Variants in CELSR1 observed in about 807,000 individuals in gnomAD.
CELSR1 encodes cadherin EGF LAG seven-pass G-type receptor 1, also known as adhesion G protein-coupled receptor C1.
In CELSR1, 110 loss-of-function variants were observed where a neutral mutation model predicts 249.1. That is an observed-to-expected ratio of 0.44 (90% confidence interval 0.38 to 0.52). The LOEUF (loss-of-function observed/expected upper bound fraction) is 0.52. CELSR1 is among the 20% of genes least tolerant of loss of function. The pLI is 0.00. For missense variants in CELSR1, 4,109 were observed against 4,296.4 expected (o/e 0.96, Z 1.22); for synonymous variants, 2,113 against 1,900.0 (o/e 1.11, Z -2.92).
rs1353373401 is a variant in CELSR1, at chr22:46,441,159, A to G, written c.4184-1748T>C. ...CAGAGCGAGACTTCATTTCAAAAAA[A>G]AAAAAAAAAGAGAGACTGCTATAAA... On this transcript the variant is annotated intron_variant, in intron 2 of 34. Coordinates refer to ENST00000674500, the MANE Select transcript of CELSR1 (RefSeq NM_001378328.1). This position sits in a 1 kb window ranked among gnomAD's most constrained non-coding sequence, Gnocchi z 6.1. Among the ~76,000 whole-genome samples the G allele has an allele frequency of 6.6e-6, 1 of 151,826 alleles. No homozygotes were observed. The highest frequency in any genetic ancestry group is 1.9e-4 in the East Asian group (1 of 5,188).
In CELSR1 at chr22:46,529,802, C is replaced by CA. The variant is rs879434750; in HGVS notation, c.3544+3824dup. Among the ~76,000 whole-genome samples, 354 of 127,092 alleles carry CA rather than the reference C, an allele frequency of 2.8e-3. 2 individuals carry two copies. Among genetic ancestry groups the CA allele is most frequent in the Middle Eastern group, 0.013 (3 of 236 alleles). 83.4% of individuals were successfully genotyped at this position (127,092 alleles called of 152,430 possible). On this transcript the variant is annotated intron_variant, in intron 1 of 34. Transcript: ENST00000674500. ...TGGGAGATACAGTGAGACTCCATCT[C>CA]AAAAAAAAAAAAAGAATAAGACCTA... is the stretch of plus-strand genomic sequence containing the variant.
intron 1 of CELSR1, among the ~76,000 whole-genome samples, chr22:46,485,507 G>A (rs1459144544): frequency 5.9e-5 from 9 of 152,212 alleles, no homozygotes; most frequent in Non-Finnish European, 1.3e-4. Flanking sequence ...ATGCGGGGCC[G>A]CCAGGCAGCT....
intron 1 of CELSR1, among the ~76,000 whole-genome samples, chr22:46,519,890 T>C (rs2080667631): frequency 6.6e-6 from 1 of 150,874 alleles, no homozygotes; most frequent in Admixed American, 6.6e-5. Flanking sequence ...TTTTTTTTTC[T>C]GAGACAGAGT....
intron 1 of CELSR1, among the ~76,000 whole-genome samples, chr22:46,516,704 G>A (rs569405464): frequency 1.3e-4 from 20 of 152,184 alleles, no homozygotes; most frequent in African/African-American, 4.6e-4. Context: ...TCCTCGACCA[G>A]CTCATGTTAT....
intron 1 of CELSR1, among the ~76,000 whole-genome samples, chr22:46,477,183 T>G (rs949218731): frequency 2.6e-5 from 4 of 152,156 alleles, no homozygotes; most frequent in Non-Finnish European, 5.9e-5. Flanking sequence ...ACCTTAAAGA[T>G]GCTGAGTATG....
At chr22:46,365,814 G>A (rs1414112923) in intron 30 of CELSR1, 125 bp from the exon 31 acceptor site, 6 of 257,906 alleles carry the variant, frequency 2.3e-5, no homozygotes, top group Non-Finnish European at 3.9e-5. Context: ...AGACAAAACA[G>A]CCTCCCGAGT....
chr22:46,519,436 G>C (rs899088804), intron 1 of CELSR1, among the ~76,000 whole-genome samples: 2 of 152,198 alleles, frequency 1.3e-5, no homozygotes, highest in Non-Finnish European at 2.9e-5. Context: ...GGGTGCTGAG[G>C]GCCAGCACTG....
intron 23 of CELSR1, 44 bp downstream of exon 23, chr22:46,378,547 G>GGGGGGGAGGT: frequency 6.5e-7 from 1 of 1,529,790 alleles, no homozygotes; most frequent in Non-Finnish European, 8.8e-7. Flanking sequence ...GGGCAGGTTT[G>GGGGGGGAGGT]GCGGTAGGCC....
intron 5 of CELSR1, among the ~76,000 whole-genome samples, chr22:46,419,686 C>T (rs2079442721): frequency 6.6e-6 from 1 of 152,202 alleles, no homozygotes; most frequent in Admixed American, 6.5e-5. Flanking sequence ...AAAAAGCTTA[C>T]CAAAAATGTG....
At chr22:46,521,839 A>G (rs1176050971) in intron 1 of CELSR1, among the ~76,000 whole-genome samples, 2 of 152,076 alleles carry the variant, frequency 1.3e-5, no homozygotes, top group Non-Finnish European at 2.9e-5. Flanking sequence ...AAAAATAAAG[A>G]CCTTGTTTTG....
In CELSR1 at chr22:46,526,100, C is replaced by A. The variant is rs555635160; in HGVS notation, c.3544+7527G>T. On this transcript the variant is annotated intron_variant, in intron 1 of 34. Transcript: ENST00000674500. The surrounding 1 kb of genome is among the most constrained non-coding windows in gnomAD (Gnocchi z 4.7). ...AGCTGGTGCTGAGGTGGGCGCCCTG[C>A]CCTGGTGAGTCCATGTCCCGTGGAC... Among the ~76,000 whole-genome samples, 2 of 152,350 alleles carry A rather than the reference C, an allele frequency of 1.3e-5. No homozygotes were observed. Among genetic ancestry groups the A allele is most frequent in the Non-Finnish European group, 2.9e-5 (2 of 68,034 alleles).
rs1424142629 is a variant in CELSR1 at position 46,446,403 on chromosome 22, T to C, written c.4184-6992A>G. On this transcript the variant is annotated intron_variant, in intron 2 of 34. Transcript: ENST00000674500. The surrounding 1 kb of genome is among the most constrained non-coding windows in gnomAD (Gnocchi z 5.5). ...GCTCTCATGGACTCAAAATCTCCCC[T>C]CTCCAGCAATCGCCCCACCAGCTCC... 2.0e-5 allele frequency among the ~76,000 whole-genome samples: 3 copies of C among 151,972 alleles called. No individual in the cohort carries two copies. The highest frequency in any genetic ancestry group is 7.3e-5 in the African/African-American group (3 of 41,330).
Position 46,408,587 on chromosome 22 carries a change from C to G in CELSR1, c.5226+409G>C, listed in dbSNP as rs8139431. ...TGACCTCAGGTGATCCGCCGGCCTC[C>G]GCCACCCAAAGTGTTGGGATTACAG... On this transcript the variant is annotated intron_variant, in intron 9 of 34. Transcript: ENST00000674500. The surrounding 1 kb of genome is among the most constrained non-coding windows in gnomAD (Gnocchi z 4.6). Among the ~76,000 whole-genome samples the G allele has an allele frequency of 6.6e-6, 1 of 152,174 alleles. No individual in the cohort carries two copies. Among genetic ancestry groups the G allele is most frequent in the Non-Finnish European group, 1.5e-5 (1 of 68,036 alleles).
chr22:46,372,404 C>T lies in CELSR1; in HGVS notation c.7759+479G>A, dbSNP rs188758961. ...CTCACCCCATCTACCCATCCACTCA[C>T]TCACCCCTCCACCCATCCATCCACT... On this transcript the variant is annotated intron_variant, in intron 25 of 34. Transcript: ENST00000674500. Among the ~76,000 whole-genome samples the T allele has an allele frequency of 2.1e-3, 256 of 124,184 alleles. 1 individual carries two copies. The highest frequency in any genetic ancestry group is 3.0e-3 in the Non-Finnish European group (162 of 54,814). 81.5% of individuals were successfully genotyped at this position (124,184 alleles called of 152,430 possible).
At position 46,393,979 on chromosome 22, in the gene CELSR1, A is replaced by T. The variant is rs1384806963; in HGVS notation, c.5964+163T>A. ...CACGGGGGAGCAGCAAGGAAACCAA[A>T]AACCACATCTGTACACAAATGTGAT... On this transcript the variant is annotated intron_variant, in intron 14 of 34. Transcript: ENST00000674500. The surrounding 1 kb of genome is among the most constrained non-coding windows in gnomAD (Gnocchi z 4.1). 6.6e-6 allele frequency among the ~76,000 whole-genome samples: 1 copy of T among 152,232 alleles called. No individual in the cohort carries two copies. The highest frequency in any genetic ancestry group is 1.5e-5 in the Non-Finnish European group (1 of 68,046).
At chr22:46,508,946 A>G (rs1330825133) in intron 1 of CELSR1, among the ~76,000 whole-genome samples, 3 of 152,112 alleles carry the variant, frequency 2.0e-5, no homozygotes, top group Non-Finnish European at 2.9e-5. Context: ...GAGCTCCCAG[A>G]AGGCTCCAGG....
chr22:46,422,387 C>T (rs1049457244), intron 5 of CELSR1, among the ~76,000 whole-genome samples: 2 of 151,842 alleles, frequency 1.3e-5, no homozygotes, highest in African/African-American at 4.8e-5. Context: ...GGATTACAGG[C>T]GTGAGCCACC....
chr22:46,370,748 C>T (rs1269274590), intron 25 of CELSR1, among the ~76,000 whole-genome samples: 1 of 152,208 alleles, frequency 6.6e-6, no homozygotes, highest in Non-Finnish European at 1.5e-5. Context: ...AGCCAGTTAA[C>T]CAGGACCACT....
intron 5 of CELSR1, among the ~76,000 whole-genome samples, chr22:46,426,999 G>A (rs1198413567): frequency 6.6e-6 from 1 of 152,218 alleles, no homozygotes; most frequent in Admixed American, 6.5e-5. Flanking sequence ...TGAATGTGCA[G>A]AGCAGAGCAA....
Sources: allele counts gnomAD v4.1 joint callset (sites outside exome capture counted in the v4.1 genomes callset), GRCh38; gene constraint gnomAD v4.1.1; non-coding constraint Gnocchi (gnomAD v3.1); transcripts MANE v1.5; gene names NCBI Gene and HGNC (gene_info 2026-07-23, HGNC 2026-07-21).